The following ERICH1 variants were observed in gnomAD, a reference collection of about 807,000 sequenced individuals.
ERICH1 encodes glutamate-rich protein 1.
ERICH1 carries 56 observed loss-of-function variants against 39.6 expected under a neutral mutation model. The observed-to-expected ratio is 1.41, with a 90% CI of 1.14 to 1.77. ERICH1 has a LOEUF of 1.77. ERICH1 is among the 40% of genes most tolerant of loss of function. The pLI is 0.00. For synonymous variants in ERICH1, 313 were observed against 223.6 expected (o/e 1.40, Z -3.57); for missense variants, 826 against 575.4 (o/e 1.44, Z -4.45).
In ERICH1 at chr8:643,353, C is replaced by A. The variant is rs936861508; in HGVS notation, c.976+25245G>T. Among the ~76,000 whole-genome samples the A allele has an allele frequency of 3.3e-5, 5 of 152,186 alleles. No homozygotes were observed. In the South Asian group the frequency reaches 1.0e-3, roughly 31 times the overall value. On this transcript the variant is annotated intron_variant, in intron 3 of 3. Coordinates refer to the ERICH1 transcript ENST00000522706. ...CTGCGGTGTGGCACAGGGGGACCAA[C>A]CAGAGGGAAAGGCTGACCCCCTGGG...
chr8:725,471 G>C (rs952565008), intron 1 of ERICH1: 1 of 152,464 alleles, frequency 6.6e-6, no homozygotes, highest in African/African-American at 2.4e-5. Context: ...CATCCCCATC[G>C]AGACCTAGGC....
At chr8:698,180 T>TA (rs1175106366) in intron 2 of ERICH1, among the ~76,000 whole-genome samples, 1 of 151,752 alleles carries the variant, frequency 6.6e-6, no homozygotes, top group East Asian at 1.9e-4. Context: ...ATGCATCCTG[T>TA]AAACTACCCT....
At chr8:689,103 C>G (rs567842112) in intron 3 of ERICH1, among the ~76,000 whole-genome samples, 6 of 146,236 alleles carry the variant, frequency 4.1e-5, no homozygotes, top group East Asian at 4.0e-4. Flanking sequence ...GTGAAGAGCT[C>G]ACGTATGATC....
intron 1 of ERICH1, among the ~76,000 whole-genome samples, chr8:719,192 A>G (rs1310776333): frequency 6.6e-6 from 1 of 152,002 alleles, no homozygotes; most frequent in Non-Finnish European, 1.5e-5. Flanking sequence ...CAACCGTGAA[A>G]ACTTGGGTTT....
intron 2 of ERICH1, among the ~76,000 whole-genome samples, chr8:709,630 G>A (rs1814248761): frequency 6.6e-6 from 1 of 152,230 alleles, no homozygotes; most frequent in African/African-American, 2.4e-5. Context: ...CGAAGTGGCT[G>A]AATGCTGAAG....
chr8:694,413 A>G (rs1161148180), intron 2 of ERICH1, among the ~76,000 whole-genome samples: 1 of 152,246 alleles, frequency 6.6e-6, no homozygotes, highest in Non-Finnish European at 1.5e-5. Flanking sequence ...AGAAAGTTAA[A>G]CAGAACTTAG....
intron 3 of ERICH1, among the ~76,000 whole-genome samples, chr8:678,365 G>A (rs1184342313): frequency 1.4e-4 from 22 of 151,958 alleles, no homozygotes; most frequent in Non-Finnish European, 1.0e-4. Context: ...TGCACACAAC[G>A]ACATGCAAAT....
At chr8:711,234 G>C (rs896216535) in intron 2 of ERICH1, among the ~76,000 whole-genome samples, 1 of 152,086 alleles carries the variant, frequency 6.6e-6, no homozygotes, top group Non-Finnish European at 1.5e-5. Context: ...ACAGTCCTTT[G>C]TCAGGTATGT....
chr8:691,469 G>A (rs1461801260), intron 3 of ERICH1, among the ~76,000 whole-genome samples: 1 of 152,246 alleles, frequency 6.6e-6, no homozygotes, highest in Non-Finnish European at 1.5e-5. Context: ...AACGGGGCGA[G>A]AGCGCCAACC....
At chr8:683,211 C>T (rs927118616) in intron 3 of ERICH1, among the ~76,000 whole-genome samples, 4 of 152,164 alleles carry the variant, frequency 2.6e-5, no homozygotes, top group Non-Finnish European at 5.9e-5. Context: ...CTGTGGCTGG[C>T]GTGGACCATG....
intron 2 of ERICH1, among the ~76,000 whole-genome samples, chr8:710,085 C>T (rs537881726): frequency 6.6e-6 from 1 of 152,226 alleles, no homozygotes; most frequent in Admixed American, 6.5e-5. Context: ...TCATCACCGT[C>T]AGAGCCGTAC....
intron 3 of ERICH1, among the ~76,000 whole-genome samples, chr8:659,002 TG>T (rs1801049297): frequency 8.8e-6 from 1 of 113,708 alleles, no homozygotes; most frequent in Admixed American, 9.2e-5. Flanking sequence ...CGGTGTGCAC[TG>T]AGCATCCTGG....
chr8:697,784 C>T (rs190162896), intron 2 of ERICH1, among the ~76,000 whole-genome samples: 106 of 152,026 alleles, frequency 7.0e-4, no homozygotes, highest in African/African-American at 2.4e-3. Flanking sequence ...TGAGCAGATT[C>T]GGGACATGCA....
chr8:716,029 A>AC, intron 1 of ERICH1, 22 bp from the exon 2 acceptor site: 1 of 1,575,804 alleles, frequency 6.3e-7, no homozygotes, highest in Non-Finnish European at 8.6e-7. Context: ...ACCGATTAAA[A>AC]GAAAAGGAGG....
intron 3 of ERICH1, among the ~76,000 whole-genome samples, chr8:654,023 G>A (rs960185193): frequency 1.3e-5 from 2 of 152,224 alleles, no homozygotes; most frequent in African/African-American, 2.4e-5. Context: ...TAGGATGGCT[G>A]GTGGCTGCCA....
At chr8:699,359 T>G (rs899418568) in intron 2 of ERICH1, among the ~76,000 whole-genome samples, 2 of 152,156 alleles carry the variant, frequency 1.3e-5, no homozygotes, top group Non-Finnish European at 2.9e-5. Context: ...CCCAGCGGCC[T>G]TCTTCTCTCC....
At chr8:662,619 G>A (rs1349949675), downstream of ERICH1, among the ~76,000 whole-genome samples, 1 of 152,170 alleles carries the variant, frequency 6.6e-6, no homozygotes, top group Non-Finnish European at 1.5e-5. Flanking sequence ...TTGCACTCCA[G>A]CGTGGGCAAC....
chr8:712,732 G>T (rs766488066), intron 2 of ERICH1, among the ~76,000 whole-genome samples: 2 of 152,166 alleles, frequency 1.3e-5, no homozygotes, highest in East Asian at 1.9e-4. Context: ...AATTCCACTT[G>T]TTCTTTGCTG....
At chr8:622,024 G>A (rs927204139) in intron 3 of ERICH1, among the ~76,000 whole-genome samples, 4 of 152,032 alleles carry the variant, frequency 2.6e-5, no homozygotes, top group Admixed American at 6.6e-5. Context: ...AGACCAGCCT[G>A]GACAACACAG....
Sources: allele counts gnomAD v4.1 joint callset (sites outside exome capture counted in the v4.1 genomes callset), GRCh38; gene constraint gnomAD v4.1.1; transcripts MANE v1.5; gene names NCBI Gene and HGNC (gene_info 2026-07-23, HGNC 2026-07-21).